SATB2: variants seen among roughly 807,000 people sequenced by gnomAD.
SATB2 encodes the protein SATB homeobox 2, also known as DNA-binding protein SATB2.
Under a neutral mutation model 73.4 loss-of-function variants are expected in SATB2, and 1 was observed. The observed-to-expected ratio is 0.01, with a 90% CI of 0.00 to 0.06. SATB2 has a LOEUF of 0.06. SATB2 is among the 10% of genes least tolerant of loss of function. SATB2 has a pLI of 1.00. For missense variants in SATB2, 459 were observed against 945.8 expected (o/e 0.49, Z 6.75); for synonymous variants, 397 against 367.0 (o/e 1.08, Z -0.93).
intron 6 of SATB2, among the ~76,000 whole-genome samples, chr2:199,359,323 G>A (rs1689071910): frequency 2.6e-5 from 4 of 152,100 alleles, no homozygotes. Context: ...TTTATCTTAG[G>A]CTACACAAAT....
chr2:199,353,051 C>T (rs1052266300), intron 6 of SATB2, among the ~76,000 whole-genome samples: 3 of 150,436 alleles, frequency 2.0e-5, no homozygotes, highest in Non-Finnish European at 4.4e-5. Context: ...ATCATCCCGA[C>T]TTTAAGAATG....
rs563182023 is a variant in SATB2 at position 199,423,763 on chromosome 2, A to G, written c.346+9575T>C. The G allele has an allele frequency of 1.2e-4, 18 of 152,230 alleles. No homozygotes were observed. In the East Asian group the frequency reaches 3.1e-3, roughly 26 times the overall value. 9.4% of individuals were successfully genotyped at this position (152,230 alleles called of 1,614,324 possible). A position where few individuals can be genotyped will look rare whatever the true frequency, so the allele number is the denominator to read the frequency against. On this transcript the variant is annotated intron_variant, in intron 3 of 10. Transcript: ENST00000417098. ...GGCTGGTGAGGGCTTTCAATCAAGAACAGGCTGCCCTCTTAGCTCAGCTCC... is the reference window on the plus strand; with the variant it reads ...GGCTGGTGAGGGCTTTCAATCAAGAGCAGGCTGCCCTCTTAGCTCAGCTCC...
At position 199,272,480 on chromosome 2, in the gene SATB2, T is replaced by C; in HGVS notation, c.1933A>G (p.Ile645Val). Reference protein sequence around the residue: ...DVGLYPDQEAIHTLSAQLDLP... With the variant: ...DVGLYPDQEAVHTLSAQLDLP... ...TCCAGCTGAGCCGAAAGAGTGTGGA[T>C]GGCTTCCTGGTCTGGGTACAGGCCT... is the stretch of plus-strand genomic sequence containing the variant. Residue 645 changes from isoleucine (I) to valine (V), a missense_variant, in exon 11 of 11, where the codon ATC (isoleucine) becomes GTC (valine). Physicochemically the swap from Ile to Val is conservative, Grantham distance 29. This residue lies in a region of SATB2 where 7 missense variants were observed against 59.4 expected (regional missense o/e 0.12). Transcript: ENST00000417098. The surrounding 1 kb of genome is among the most constrained non-coding windows in gnomAD (Gnocchi z 6.7). The C allele has an allele frequency of 1.2e-6, 2 of 1,614,164 alleles. No individual in the cohort carries two copies. Among genetic ancestry groups the C allele is most frequent in the East Asian group, 2.2e-5 (1 of 44,878 alleles).
chr2:199,383,318 T>G (rs1212658559), intron 3 of SATB2, among the ~76,000 whole-genome samples: 1 of 152,160 alleles, frequency 6.6e-6, no homozygotes, highest in East Asian at 1.9e-4. Context: ...CAATGAAAAG[T>G]GCACAGCACA....
chr2:199,431,124 T>C (rs913423500), intron 3 of SATB2, among the ~76,000 whole-genome samples: 13 of 152,170 alleles, frequency 8.5e-5, no homozygotes, highest in Admixed American at 5.2e-4. Flanking sequence ...AACAAAAAAC[T>C]ACCCCCATAA....
intron 3 of SATB2, among the ~76,000 whole-genome samples, chr2:199,385,548 A>G (rs1311673172): frequency 1.3e-5 from 2 of 152,100 alleles, no homozygotes; most frequent in Non-Finnish European, 2.9e-5. Context: ...TTTCTCCATC[A>G]GTTCTTTACC....
Position 199,272,200 on chromosome 2 carries a change from A to T in SATB2, c.*11T>A. On this transcript the variant is annotated 3_prime_UTR_variant, in exon 11 of 11. Transcript: ENST00000417098. The surrounding 1 kb of genome is among the most constrained non-coding windows in gnomAD (Gnocchi z 6.7). ...GGACCGATGTATTGCTTTGCCTAGT[A>T]GAAGTTCACATTATCTCTGGTCAAT... 1 of 1,611,372 alleles carries T rather than the reference A, an allele frequency of 6.2e-7. No homozygotes were observed. The highest frequency in any genetic ancestry group is 8.5e-7 in the Non-Finnish European group (1 of 1,177,692).
chr2:199,456,919 T>C (rs1232886901), intron 1 of SATB2, among the ~76,000 whole-genome samples: 2 of 139,894 alleles, frequency 1.4e-5, no homozygotes, highest in Non-Finnish European at 3.1e-5. Flanking sequence ...GGTCACTAGG[T>C]TGGCAGTGCG....
chr2:199,270,363 GTTTT>G lies in SATB2; in HGVS notation c.*1844_*1847del, dbSNP rs201780110. The G allele has an allele frequency of 6.7e-6, 1 of 149,244 alleles. No homozygotes were observed. The highest frequency in any genetic ancestry group is 2.5e-5 in the African/African-American group (1 of 40,520). The allele number at this position is 149,244 out of a possible 1,614,324, so 9.2% of individuals were successfully genotyped here. A position where few individuals can be genotyped will look rare whatever the true frequency, so the allele number is the denominator to read the frequency against. ...TCTGAGTTAATATCTACACATAGAG[GTTTT>G]TTTTTTAACTCCTACCTTTTATACC... On this transcript the variant is annotated 3_prime_UTR_variant, in exon 11 of 11. Coordinates refer to ENST00000417098, the MANE Select transcript of SATB2 (RefSeq NM_001172509.2).
rs1055640386 is a variant in SATB2, at chr2:199,271,589, AAAAT to A, written c.*618_*621del. ...AAAAAAAAATCAGGGACAAACACAA[AAAAT>A]AAATAGGAATTCAAAAATAGTCACC... On this transcript the variant is annotated 3_prime_UTR_variant, in exon 11 of 11. Coordinates refer to ENST00000417098, the MANE Select transcript of SATB2 (RefSeq NM_001172509.2). The A allele has an allele frequency of 6.6e-6, 1 of 152,518 alleles. No homozygotes were observed. Among genetic ancestry groups the A allele is most frequent in the African/African-American group, 2.4e-5 (1 of 41,402 alleles). The allele number at this position is 152,518 out of a possible 1,614,324, so 9.4% of individuals were successfully genotyped here. A position where few individuals can be genotyped will look rare whatever the true frequency, so the allele number is the denominator to read the frequency against.
At chr2:199,367,885 A>G (rs931770370) in intron 6 of SATB2, among the ~76,000 whole-genome samples, 2 of 152,126 alleles carry the variant, frequency 1.3e-5, no homozygotes, top group African/African-American at 2.4e-5. Flanking sequence ...CATGCTATTT[A>G]CTACACAAAG....
At chr2:199,452,578 CAAATAT>C (rs1349158412) in intron 2 of SATB2, among the ~76,000 whole-genome samples, 1 of 152,128 alleles carries the variant, frequency 6.6e-6, no homozygotes, top group African/African-American at 2.4e-5. Flanking sequence ...AACAATTTCA[CAAATAT>C]AAATTTCCCC....
At chr2:199,336,426 C>T (rs949918165) in intron 7 of SATB2, among the ~76,000 whole-genome samples, 4 of 152,142 alleles carry the variant, frequency 2.6e-5, no homozygotes, top group African/African-American at 9.7e-5. Flanking sequence ...CAAAAATTTA[C>T]TAGCTTTGGC....
intron 6 of SATB2, among the ~76,000 whole-genome samples, chr2:199,351,407 C>T (rs1688815266): frequency 6.6e-6 from 1 of 152,088 alleles, no homozygotes. Context: ...ATGTGATCCA[C>T]CAGCCTCAGC....
intron 2 of SATB2, among the ~76,000 whole-genome samples, chr2:199,449,006 C>T (rs1441141063): frequency 6.6e-6 from 1 of 152,110 alleles, no homozygotes; most frequent in Non-Finnish European, 1.5e-5. Flanking sequence ...AAAGAATATG[C>T]TTACTATAAA....
intron 10 of SATB2, among the ~76,000 whole-genome samples, chr2:199,281,301 T>C (rs992553164): frequency 2.0e-5 from 3 of 151,078 alleles, no homozygotes; most frequent in African/African-American, 4.9e-5. Flanking sequence ...TACATATATA[T>C]GAGAAATCAT....
chr2:199,387,117 T>C (rs962730358), intron 3 of SATB2, among the ~76,000 whole-genome samples: 2 of 152,204 alleles, frequency 1.3e-5, no homozygotes, highest in Admixed American at 1.3e-4. Context: ...GACTCAGCAT[T>C]CTACCTGGAA....
intron 10 of SATB2, among the ~76,000 whole-genome samples, chr2:199,289,041 A>G (rs1401403758): frequency 6.6e-6 from 1 of 152,220 alleles, no homozygotes; most frequent in Admixed American, 6.5e-5. Flanking sequence ...TTTTCTTGCA[A>G]GAGAAAAATA....
intron 10 of SATB2, among the ~76,000 whole-genome samples, chr2:199,305,491 A>G (rs1212526168): frequency 6.6e-6 from 1 of 152,150 alleles, no homozygotes; most frequent in African/African-American, 2.4e-5. Flanking sequence ...GTACCCCTGA[A>G]CTTAAAAGTT....
Sources: allele counts gnomAD v4.1 joint callset (sites outside exome capture counted in the v4.1 genomes callset), GRCh38; gene constraint gnomAD v4.1.1; regional missense constraint gnomAD v4.1.1; non-coding constraint Gnocchi (gnomAD v3.1); transcripts MANE v1.5; gene names NCBI Gene and HGNC (gene_info 2026-07-23, HGNC 2026-07-21).